Variants in SUPT3H observed in about 807,000 individuals in gnomAD.
The protein encoded by SUPT3H is SPT3 homolog, SAGA and STAGA complex component.
In SUPT3H, 44 loss-of-function variants were observed where a neutral mutation model predicts 44.3. The ratio of observed to expected loss-of-function variants is 0.99; its 90% CI spans 0.78 to 1.28. SUPT3H has a LOEUF of 1.28. Among genes scored for constraint, SUPT3H ranks in the 50% most tolerant of loss-of-function variants. The probability of loss-of-function intolerance (pLI) is 0.00; values close to 1 mark genes in which losing one functional copy is unlikely to be tolerated. For missense variants in SUPT3H, 380 were observed against 387.1 expected (o/e 0.98, Z 0.15); for synonymous variants, 124 against 125.6 (o/e 0.99, Z 0.09).
At chr6:45,221,659 T>C (rs1480123162) in intron 2 of SUPT3H, among the ~76,000 whole-genome samples, 2 of 152,172 alleles carry the variant, frequency 1.3e-5, no homozygotes, top group African/African-American at 2.4e-5. Flanking sequence ...TTTCCCTAAA[T>C]TGATATATAA....
At chr6:45,275,563 A>G (rs867297739) in intron 2 of SUPT3H, among the ~76,000 whole-genome samples, 47 of 152,350 alleles carry the variant, frequency 3.1e-4, no homozygotes, top group African/African-American at 1.1e-3. Context: ...GAATATTTAA[A>G]TGTAATGTGA....
chr6:44,891,945 C>A (rs994729663), intron 10 of SUPT3H, among the ~76,000 whole-genome samples: 3 of 151,784 alleles, frequency 2.0e-5, no homozygotes, highest in African/African-American at 7.3e-5. Context: ...CCTAAGTGTC[C>A]TAATAAAATC....
intron 2 of SUPT3H, among the ~76,000 whole-genome samples, chr6:45,106,585 G>A (rs1021768504): frequency 2.0e-5 from 3 of 151,734 alleles, no homozygotes; most frequent in East Asian, 3.9e-4. Flanking sequence ...TGCCCAGGCT[G>A]TAGTGCAGTG....
At chr6:45,362,265 A>G (rs1339198351) in intron 2 of SUPT3H, among the ~76,000 whole-genome samples, 1 of 152,218 alleles carries the variant, frequency 6.6e-6, no homozygotes, top group Non-Finnish European at 1.5e-5. Flanking sequence ...CAGAAATGAC[A>G]CTACAATATT....
chr6:44,921,118 C>T (rs1187447537), intron 10 of SUPT3H, among the ~76,000 whole-genome samples: 1 of 152,172 alleles, frequency 6.6e-6, no homozygotes, highest in Non-Finnish European at 1.5e-5. Context: ...TACACCATAC[C>T]TCCCTCCCAA....
chr6:45,038,993 C>G (rs1415970444), intron 3 of SUPT3H, among the ~76,000 whole-genome samples: 1 of 151,928 alleles, frequency 6.6e-6, no homozygotes, highest in Non-Finnish European at 1.5e-5. Flanking sequence ...TGTTTCTGTT[C>G]TTTAAGGTGT....
intron 10 of SUPT3H, among the ~76,000 whole-genome samples, chr6:44,919,993 C>T (rs1026240511): frequency 8.5e-5 from 13 of 152,136 alleles, no homozygotes; most frequent in Admixed American, 8.5e-4. Context: ...ATTCTCCTGC[C>T]TCAGCCTCCC....
intron 2 of SUPT3H, among the ~76,000 whole-genome samples, chr6:45,314,602 A>G (rs750345754): frequency 5.3e-5 from 8 of 152,196 alleles, no homozygotes; most frequent in African/African-American, 1.7e-4. Context: ...AGACCTCTAC[A>G]AGGAAAACTA....
intron 10 of SUPT3H, among the ~76,000 whole-genome samples, chr6:44,881,928 A>G (rs1176395094): frequency 6.6e-6 from 1 of 152,200 alleles, no homozygotes; most frequent in East Asian, 1.9e-4. Flanking sequence ...CCCACAGGAG[A>G]AAGTGGGAAA....
intron 10 of SUPT3H, among the ~76,000 whole-genome samples, chr6:44,906,406 C>T (rs1476487565): frequency 6.6e-6 from 1 of 152,090 alleles, no homozygotes; most frequent in Non-Finnish European, 1.5e-5. Flanking sequence ...CGATATTTGA[C>T]TGTATTATGC....
At chr6:44,812,720 C>G (rs139331006) in intron 11 of SUPT3H, among the ~76,000 whole-genome samples, 2 of 152,116 alleles carry the variant, frequency 1.3e-5, no homozygotes, top group Admixed American at 6.5e-5. Flanking sequence ...TTTTTTCTCA[C>G]GAAATTTGCC....
chr6:45,055,260 A>T (rs1790927651), intron 3 of SUPT3H, among the ~76,000 whole-genome samples: 1 of 152,106 alleles, frequency 6.6e-6, no homozygotes, highest in African/African-American at 2.4e-5. Context: ...GCAATCTACT[A>T]ATTCAATGCA....
intron 2 of SUPT3H, among the ~76,000 whole-genome samples, chr6:45,242,100 A>G (rs1770462812): frequency 6.6e-6 from 1 of 152,236 alleles, no homozygotes; most frequent in South Asian, 2.1e-4. Context: ...CTTCTGCTGT[A>G]AACAACCAGA....
At chr6:45,270,060 C>G (rs560374128) in intron 2 of SUPT3H, among the ~76,000 whole-genome samples, 1 of 152,184 alleles carries the variant, frequency 6.6e-6, no homozygotes, top group East Asian at 1.9e-4. Context: ...TGACTGGCTT[C>G]TTCAACATAA....
intron 2 of SUPT3H, among the ~76,000 whole-genome samples, chr6:45,300,504 T>C (rs1047793870): frequency 6.6e-6 from 1 of 152,202 alleles, no homozygotes; most frequent in African/African-American, 2.4e-5. Flanking sequence ...ATGGCCCTTT[T>C]GGAAAACAGC....
In SUPT3H at chr6:45,333,271, A is replaced by C. The variant is rs541855781; in HGVS notation, c.101+31930T>G. Among the ~76,000 whole-genome samples, 122 of 151,766 alleles carry C rather than the reference A, an allele frequency of 8.0e-4. 1 individual carries two copies. Among genetic ancestry groups the C allele is most frequent in the African/African-American group, 2.2e-3 (90 of 41,532 alleles). ...ACAGGGAAATTCTATACCTTATTAA[A>C]AGGGAGTTTCCTTACATTTTTAACC... is the stretch of plus-strand genomic sequence containing the variant. On this transcript the variant is annotated intron_variant, in intron 2 of 10. Transcript: ENST00000371459.
At chr6:45,256,832 C>T (rs749166303) in intron 2 of SUPT3H, among the ~76,000 whole-genome samples, 10 of 152,186 alleles carry the variant, frequency 6.6e-5, no homozygotes, top group Non-Finnish European at 1.2e-4. Flanking sequence ...CTTATCCACT[C>T]ACGCACTGAT....
At chr6:45,092,189 T>G (rs921906087) in intron 3 of SUPT3H, among the ~76,000 whole-genome samples, 1 of 152,124 alleles carries the variant, frequency 6.6e-6, no homozygotes, top group Admixed American at 6.6e-5. Flanking sequence ...CCATTCCATT[T>G]TCCTCCTACT....
At chr6:45,266,351 T>C (rs1185210445) in intron 2 of SUPT3H, among the ~76,000 whole-genome samples, 1 of 151,870 alleles carries the variant, frequency 6.6e-6, no homozygotes, top group Non-Finnish European at 1.5e-5. Context: ...GCTTAGGACT[T>C]GGTAAAAATT....
Sources: allele counts gnomAD v4.1 joint callset (sites outside exome capture counted in the v4.1 genomes callset), GRCh38; gene constraint gnomAD v4.1.1; transcripts MANE v1.5; gene names NCBI Gene and HGNC (gene_info 2026-07-23, HGNC 2026-07-21).